TBC1D24: variants seen among roughly 807,000 people sequenced by gnomAD.
TBC1D24 encodes the protein TBC1 domain family member 24.
In TBC1D24, 47 loss-of-function variants were observed where a neutral mutation model predicts 50.7. The observed-to-expected ratio is 0.93, with a 90% CI of 0.73 to 1.18. TBC1D24 has a LOEUF of 1.18. TBC1D24 is among the 50% of genes most tolerant of loss of function. TBC1D24 has a pLI of 0.00. For missense variants in TBC1D24, 688 were observed against 766.5 expected, an observed-to-expected ratio of 0.90 and a Z score of 1.21; for synonymous variants, 324 against 335.2, an observed-to-expected ratio of 0.97 and a Z score of 0.36.
rs771505361 is a variant in TBC1D24 at position 2,499,788 on chromosome 16, G to A, written c.1207-47G>A. On this transcript the variant is annotated intron_variant, in intron 5 of 7. Coordinates refer to ENST00000646147, the MANE Select transcript of TBC1D24 (RefSeq NM_001199107.2). The surrounding 1 kb of genome is among the most constrained non-coding windows in gnomAD (Gnocchi z 4.0). ...CGTCAGTAGTCTGGAGCACAGGGAC[G>A]CTCCTGGGGGCCTGCGGGCACAGCC... 7.8e-6 allele frequency: 12 copies of A among 1,536,124 alleles called. No individual in the cohort carries two copies. In the African/African-American group the frequency reaches 9.5e-5, roughly 12 times the overall value.
rs754019727 is a variant in TBC1D24 at position 2,496,977 on chromosome 16, G to A, written c.829G>A (p.Ala277Thr). The A allele has an allele frequency of 7.4e-6, 12 of 1,613,874 alleles. No individual in the cohort carries two copies. Among genetic ancestry groups the A allele is most frequent in the Admixed American group, 3.3e-5 (2 of 60,008 alleles). ...CATCCGCACGTTCGTCAGAGACATC[G>A]CGAAGACGGTGTCCCCTGAGAAGCT... The part of the protein sequence containing the change: ...QDIRTFVRDI[A>T]KTVSPEKLLE... The change falls in exon 2 of 8, where the codon GCG becomes ACG. Residue 277 changes from alanine to threonine, a missense_variant. Coordinates refer to ENST00000646147, the MANE Select transcript of TBC1D24 (RefSeq NM_001199107.2).
At position 2,496,512 on chromosome 16, in the gene TBC1D24, G is replaced by C; in HGVS notation, c.364G>C (p.Ala122Pro). The part of the protein sequence containing the change: ...GAVRKILLCL[A>P]NQFPDISFCP... ...CGTGCGCAAGATCCTCCTGTGCCTGGCCAACCAGTTCCCCGACATCTCCTT... is the reference window on the plus strand; with the variant it reads ...CGTGCGCAAGATCCTCCTGTGCCTGCCCAACCAGTTCCCCGACATCTCCTT... The change falls in exon 2 of 8, where the codon GCC becomes CCC. Residue 122 changes from alanine to proline, a missense_variant. Transcript: ENST00000646147. The C allele has an allele frequency of 6.2e-7, 1 of 1,609,150 alleles. No homozygotes were observed.
intron 1 of TBC1D24, chr16:2,479,899 C>G (rs920607340): frequency 1.3e-5 from 2 of 151,918 alleles, no homozygotes; most frequent in Non-Finnish European, 2.9e-5. Flanking sequence ...GTGGTGCAAT[C>G]TTGGCTCACC....
Position 2,497,202 on chromosome 16 carries a change from A to G in TBC1D24, c.965+89A>G, listed in dbSNP as rs536309212. 2.8e-4 allele frequency: 440 copies of G among 1,552,456 alleles called. 3 individuals are homozygous for G. The South Asian group carries it at 4.7e-3, about 17-fold the overall frequency. On this transcript the variant is annotated intron_variant, in intron 2 of 7. Coordinates refer to ENST00000646147, the MANE Select transcript of TBC1D24 (RefSeq NM_001199107.2). ...GCGTGAGCTCATCCTGCCGGCCTCC[A>G]GGCGGCCTCTGCCCATGGTCCACCC... is the stretch of plus-strand genomic sequence containing the variant.
rs569046011 is a variant in TBC1D24, at chr16:2,485,919, C to T, written c.-115-10115C>T. 1.3e-5 allele frequency among the ~76,000 whole-genome samples: 2 copies of T among 152,214 alleles called. No individual in the cohort carries two copies. Among genetic ancestry groups the T allele is most frequent in the Non-Finnish European group, 2.9e-5 (2 of 68,036 alleles). On this transcript the variant is annotated intron_variant, in intron 1 of 7. Coordinates refer to ENST00000646147, the MANE Select transcript of TBC1D24 (RefSeq NM_001199107.2). This position sits in a 1 kb window ranked among gnomAD's most constrained non-coding sequence, Gnocchi z 4.6. ...CCGTCCCTACCATTCCCACCTGGCC[C>T]GCTGCTGCCTGTGCCCCAGGGTTTC...
Position 2,475,723 on chromosome 16 carries a change from C to G in TBC1D24, c.-116+553C>G, listed in dbSNP as rs577126827. 1.3e-4 allele frequency among the ~76,000 whole-genome samples: 20 copies of G among 152,198 alleles called. No individual in the cohort carries two copies. In the South Asian group the frequency reaches 4.1e-3, roughly 32 times the overall value. The stretch of plus-strand genomic sequence containing the variant: ...CTCTGGGTGCGCCGTGCCAGGCGGC[C>G]GCTGTCCTTCGGGCCCTGGGAGGTG... On this transcript the variant is annotated intron_variant, in intron 1 of 7. Transcript: ENST00000646147. The surrounding 1 kb of genome is among the most constrained non-coding windows in gnomAD (Gnocchi z 4.2).
At position 2,486,280 on chromosome 16, in the gene TBC1D24, G is replaced by A. The variant is rs1396244598; in HGVS notation, c.-115-9754G>A. 2.0e-5 allele frequency among the ~76,000 whole-genome samples: 3 copies of A among 152,186 alleles called. No individual in the cohort carries two copies. The highest frequency in any genetic ancestry group is 6.5e-5 in the Admixed American group (1 of 15,282). ...GTGGTCCCTAGCTGCGGGCGTTGGC[G>A]TTCCCCACCCATGGGGCCCGGCCTC... On this transcript the variant is annotated intron_variant, in intron 1 of 7. Transcript: ENST00000646147. This position sits in a 1 kb window ranked among gnomAD's most constrained non-coding sequence, Gnocchi z 5.8.
Position 2,500,848 on chromosome 16 carries a change from C to A in TBC1D24, c.1570C>A (p.Arg524=), listed in dbSNP as rs78644690. 1.2e-6 allele frequency: 2 copies of A among 1,609,466 alleles called. No homozygotes were observed. Among genetic ancestry groups the A allele is most frequent in the Non-Finnish European group, 1.7e-6 (2 of 1,179,878 alleles). Reference sequence around the variant, plus strand: ...GCTCTACATCGATGGGGACCTGAACCGGGGCCGCACAAGCCACTGCGACAC... The same window carrying A: ...GCTCTACATCGATGGGGACCTGAACAGGGGCCGCACAAGCCACTGCGACAC... ...QALYIDGDLN[R]GRTSHCDTFN... is the part of the protein sequence containing the mutation. The change falls in exon 8 of 8, where the codon CGG becomes AGG. Residue 524 remains arginine (R), a synonymous_variant. Coordinates refer to ENST00000646147, the MANE Select transcript of TBC1D24 (RefSeq NM_001199107.2). The surrounding 1 kb of genome is among the most constrained non-coding windows in gnomAD (Gnocchi z 8.0).
rs1027176212 is a variant in TBC1D24 at position 2,487,325 on chromosome 16, A to G, written c.-115-8709A>G. Among the ~76,000 whole-genome samples, 8 of 152,340 alleles carry G rather than the reference A, an allele frequency of 5.3e-5. 1 individual carries two copies. In the South Asian group the frequency reaches 6.2e-4, roughly 12 times the overall value. ...GGCGGCACCTCAGTGGAGGTCTGTCATGTGACTAACTGCAGGACGAGGGAG... is the reference window on the plus strand; with the variant it reads ...GGCGGCACCTCAGTGGAGGTCTGTCGTGTGACTAACTGCAGGACGAGGGAG... On this transcript the variant is annotated intron_variant, in intron 1 of 7. Transcript: ENST00000646147. This position sits in a 1 kb window ranked among gnomAD's most constrained non-coding sequence, Gnocchi z 4.1.
rs908568339 is a variant in TBC1D24, at chr16:2,475,930, G to T, written c.-116+760G>T. 6.6e-6 allele frequency among the ~76,000 whole-genome samples: 1 copy of T among 152,250 alleles called. No homozygotes were observed. The highest frequency in any genetic ancestry group is 1.5e-5 in the Non-Finnish European group (1 of 68,048). ...GTGGCCCCCGGGTTACTGCTTGCGG[G>T]GGTGATATTAAAGGTCAAAGGTTGT... On this transcript the variant is annotated intron_variant, in intron 1 of 7. Transcript: ENST00000646147. The surrounding 1 kb of genome is among the most constrained non-coding windows in gnomAD (Gnocchi z 4.2).
chr16:2,491,871 A>G (rs2065697974), intron 1 of TBC1D24, among the ~76,000 whole-genome samples: 1 of 148,314 alleles, frequency 6.7e-6, no homozygotes, highest in Admixed American at 6.7e-5. Flanking sequence ...TAATTTTGGT[A>G]TTTTTTTGTA....
chr16:2,476,883 C>T (rs1291369391), intron 1 of TBC1D24: 1 of 152,264 alleles, frequency 6.6e-6, no homozygotes, highest in Admixed American at 6.5e-5. Flanking sequence ...CTCTCGCTGA[C>T]CACACCTGCC....
Position 2,500,069 on chromosome 16 carries a change from G to A in TBC1D24, c.1302+139G>A, listed in dbSNP as rs1014433015. On this transcript the variant is annotated intron_variant, in intron 6 of 7. Transcript: ENST00000646147. The surrounding 1 kb of genome is among the most constrained non-coding windows in gnomAD (Gnocchi z 8.0). ...CAGCGTCATCGCCCTGTGTGCTTCC[G>A]GGTTTGATCATTCAGCCGTGCGCTG... The A allele has an allele frequency of 2.9e-5, 28 of 973,202 alleles. No individual in the cohort carries two copies. In the East Asian group the frequency reaches 5.2e-4, roughly 18 times the overall value. The allele number at this position is 973,202 out of a possible 1,614,324, so 60.3% of individuals were successfully genotyped here.
chr16:2,499,319 G>C lies in TBC1D24; in HGVS notation c.1143-38G>C. 1 of 1,596,226 alleles carries C rather than the reference G, an allele frequency of 6.3e-7. No individual in the cohort carries two copies. Among genetic ancestry groups the C allele is most frequent in the Non-Finnish European group, 8.6e-7 (1 of 1,169,100 alleles). ...GGCTGCAGGAGGCGGCTGGGAGGGTGTGCAGGGTGACAGCTGGCATGCGTG... is the reference window on the plus strand; with the variant it reads ...GGCTGCAGGAGGCGGCTGGGAGGGTCTGCAGGGTGACAGCTGGCATGCGTG... On this transcript the variant is annotated intron_variant, in intron 4 of 7. Coordinates refer to ENST00000646147, the MANE Select transcript of TBC1D24 (RefSeq NM_001199107.2). This position sits in a 1 kb window ranked among gnomAD's most constrained non-coding sequence, Gnocchi z 4.0.
chr16:2,480,545 T>A (rs575060575), intron 1 of TBC1D24: 1 of 152,208 alleles, frequency 6.6e-6, no homozygotes, highest in Non-Finnish European at 1.5e-5. Flanking sequence ...TACATAATTT[T>A]AATTGGGTGC....
At chr16:2,497,680 C>T in intron 2 of TBC1D24, 30 bp from the exon 3 acceptor site, 1 of 1,535,470 alleles carries the variant, frequency 6.5e-7, no homozygotes, top group African/African-American at 1.4e-5. Context: ...TTTTTCTTCT[C>T]CATGTCCGTT....
rs1372581075 is a variant in TBC1D24 at position 2,503,792 on chromosome 16, T to A, written c.*2834T>A. 6.6e-6 allele frequency: 1 copy of A among 151,596 alleles called. No homozygotes were observed. Among genetic ancestry groups the A allele is most frequent in the African/African-American group, 2.4e-5 (1 of 40,946 alleles). The allele number at this position is 151,596 out of a possible 1,614,324, so 9.4% of individuals were successfully genotyped here. ...TCAGGCTGGTCTTGAACTCCTGACC[T>A]CGTGATCCACCCCCCCCTCAGCCTC... On this transcript the variant is annotated 3_prime_UTR_variant, in exon 8 of 8. Transcript: ENST00000646147.
chr16:2,489,357 G>A (rs919060383), intron 1 of TBC1D24, among the ~76,000 whole-genome samples: 19 of 152,100 alleles, frequency 1.2e-4, no homozygotes, highest in African/African-American at 4.3e-4. Flanking sequence ...GTGTGAACCC[G>A]GTAGGCGGAG....
rs191356828 is a variant in TBC1D24 at position 2,495,904 on chromosome 16, C to T, written c.-115-130C>T. ...AGCAGGGTCACGCCACTGCACCGCA[C>T]TCCAACCTGGGCAACAGAGCGAGAC... is the stretch of plus-strand genomic sequence containing the variant. On this transcript the variant is annotated intron_variant, in intron 1 of 7. Coordinates refer to ENST00000646147, the MANE Select transcript of TBC1D24 (RefSeq NM_001199107.2). 1,560 of 505,862 alleles carry T rather than the reference C, an allele frequency of 3.1e-3. 7 individuals are homozygous for T. The highest frequency in any genetic ancestry group is 3.9e-3 in the Non-Finnish European group (1,116 of 283,154). The allele number at this position is 505,862 out of a possible 1,614,324, so 31.3% of individuals were successfully genotyped here.
Sources: gnomAD v4.1 joint callset for allele counts (sites outside exome capture counted in the v4.1 genomes callset) on GRCh38, gnomAD v4.1.1 for gene constraint, Gnocchi (gnomAD v3.1) non-coding constraint, MANE v1.5 for transcripts, NCBI Gene and HGNC (gene_info 2026-07-23, HGNC 2026-07-21) for gene names.